The following GRIP1 variants were observed in gnomAD, a reference collection of about 807,000 sequenced individuals.
GRIP1 encodes glutamate receptor interacting protein 1, also known as glutamate receptor-interacting protein 1.
Under a neutral mutation model 129.9 loss-of-function variants are expected in GRIP1, and 45 were observed. The observed-to-expected ratio is 0.35, with a 90% CI of 0.27 to 0.44. The LOEUF is 0.44. Among genes scored for constraint, GRIP1 ranks in the 20% least tolerant of loss-of-function variants. The pLI is 1.00. For missense variants in GRIP1, 1,196 were observed against 1,396.8 expected (o/e 0.86, Z 2.29); for synonymous variants, 530 against 520.8 (o/e 1.02, Z -0.24).
At chr12:66,617,732 A>C (rs2065104111) in intron 1 of GRIP1, among the ~76,000 whole-genome samples, 1 of 150,268 alleles carries the variant, frequency 6.7e-6, no homozygotes, top group Non-Finnish European at 1.5e-5. Flanking sequence ...ATTAACAGAA[A>C]TTCACAGAAA....
chr12:66,774,594 A>C (rs746434484), intron 1 of GRIP1, among the ~76,000 whole-genome samples: 5 of 152,188 alleles, frequency 3.3e-5, no homozygotes, highest in Non-Finnish European at 1.5e-5. Context: ...TTGATGTAGA[A>C]AAAACTTTGG....
intron 1 of GRIP1, among the ~76,000 whole-genome samples, chr12:66,969,022 TTC>T (rs2042036056): frequency 6.6e-6 from 1 of 152,168 alleles, no homozygotes; most frequent in Non-Finnish European, 1.5e-5. Context: ...GGGTTTATTT[TTC>T]TTTCAACTCT....
At chr12:66,371,964 T>C (rs779750561) in intron 22 of GRIP1, 37 bp from the exon 23 acceptor site, 10 of 1,327,510 alleles carry the variant, frequency 7.5e-6, no homozygotes, top group East Asian at 6.9e-5. Flanking sequence ...AATTAAGCCA[T>C]GGACTAAGGA....
chr12:66,445,702 T>C, intron 11 of GRIP1, among the ~76,000 whole-genome samples, 194 bp from the exon 12 acceptor site: 1 of 152,132 alleles, frequency 6.6e-6, no homozygotes, highest in East Asian at 1.9e-4. Context: ...TATAATAACA[T>C]CAGTGTATCC....
At chr12:66,751,503 G>C (rs1592808156) in intron 1 of GRIP1, among the ~76,000 whole-genome samples, 1 of 152,160 alleles carries the variant, frequency 6.6e-6, no homozygotes, top group South Asian at 2.1e-4. Flanking sequence ...GTAAGGTGGA[G>C]TCCAGGGCAT....
At chr12:67,012,807 A>G (rs2042729689) in intron 1 of GRIP1, among the ~76,000 whole-genome samples, 2 of 152,142 alleles carry the variant, frequency 1.3e-5, no homozygotes, top group Admixed American at 1.3e-4. Context: ...ACATGCCCCT[A>G]TATGTTTAGG....
chr12:66,774,842 A>G (rs1489941565), intron 1 of GRIP1, among the ~76,000 whole-genome samples: 1 of 152,206 alleles, frequency 6.6e-6, no homozygotes, highest in Non-Finnish European at 1.5e-5. Context: ...ACAAGTTTTC[A>G]TCAGGAAAAC....
chr12:66,856,777 A>C (rs2040012883), intron 1 of GRIP1, among the ~76,000 whole-genome samples: 2 of 151,922 alleles, frequency 1.3e-5, no homozygotes, highest in South Asian at 4.2e-4. Context: ...TGTTGGTGGG[A>C]CTGTAAACTA....
At chr12:66,523,524 A>G (rs555454099) in intron 5 of GRIP1, among the ~76,000 whole-genome samples, 3 of 152,186 alleles carry the variant, frequency 2.0e-5, no homozygotes, top group Non-Finnish European at 2.9e-5. Flanking sequence ...GAACTCCTGA[A>G]GGAAGCACTA....
At chr12:66,701,485 G>A (rs1390112811) in intron 1 of GRIP1, among the ~76,000 whole-genome samples, 1 of 152,144 alleles carries the variant, frequency 6.6e-6, no homozygotes, top group Admixed American at 6.5e-5. Flanking sequence ...GGCAACTACT[G>A]TTATCAGTTT....
intron 1 of GRIP1, among the ~76,000 whole-genome samples, chr12:66,822,260 C>T (rs183197965): frequency 2.0e-5 from 3 of 152,332 alleles, no homozygotes; most frequent in Admixed American, 6.5e-5. Context: ...GAACCATATA[C>T]TTTCTCAGCA....
At chr12:66,601,274 T>C (rs7968118) in intron 1 of GRIP1, among the ~76,000 whole-genome samples, 85,818 of 152,022 alleles carry the variant, frequency 0.56, 25,435 homozygotes, top group African/African-American at 0.71. Flanking sequence ...AAGCAACCAG[T>C]GGGCACCTAA....
At chr12:66,717,390 A>T (rs1344775938) in intron 1 of GRIP1, among the ~76,000 whole-genome samples, 1 of 151,874 alleles carries the variant, frequency 6.6e-6, no homozygotes, top group African/African-American at 2.4e-5. Context: ...CTGTAAAAAA[A>T]AAAAAAGTCA....
chr12:66,690,328 T>C (rs1033295722), intron 1 of GRIP1, among the ~76,000 whole-genome samples: 3 of 151,980 alleles, frequency 2.0e-5, no homozygotes, highest in Admixed American at 2.0e-4. Flanking sequence ...ATCTATATTG[T>C]AGTAAATGGC....
intron 1 of GRIP1, among the ~76,000 whole-genome samples, chr12:67,040,592 G>A (rs1169857842): frequency 6.6e-6 from 1 of 152,282 alleles, no homozygotes; most frequent in South Asian, 2.1e-4. Flanking sequence ...TAAGAAACAC[G>A]AATCCCAGCC....
Position 66,401,605 on chromosome 12 carries a change from TATATACACACAC to T in GRIP1, c.1984+4666_1984+4677del, listed in dbSNP as rs1361028935. Among the ~76,000 whole-genome samples, 57 of 124,484 alleles carry T rather than the reference TATATACACACAC, an allele frequency of 4.6e-4. 4 individuals carry two copies. The highest frequency in any genetic ancestry group is 1.9e-3 in the African/African-American group (55 of 29,476). 81.7% of individuals were successfully genotyped at this position (124,484 alleles called of 152,430 possible). Reference sequence around the variant, plus strand: ...AAAAAAAAAAATATGTGTGTATATATATATACACACACACACACACACACACACACACACACA... The same window carrying T: ...AAAAAAAAAAATATGTGTGTATATATACACACACACACACACACACACACA... On this transcript the variant is annotated intron_variant, in intron 16 of 24. Coordinates refer to ENST00000359742, the MANE Select transcript of GRIP1 (RefSeq NM_001366722.1).
intron 1 of GRIP1, among the ~76,000 whole-genome samples, chr12:66,728,624 T>C (rs1244689712): frequency 3.9e-5 from 6 of 152,068 alleles, no homozygotes. Context: ...GAAAAGAAAC[T>C]GAGAATTATT....
At chr12:66,707,663 C>A (rs1219889414) in intron 1 of GRIP1, among the ~76,000 whole-genome samples, 2 of 151,952 alleles carry the variant, frequency 1.3e-5, no homozygotes, top group Non-Finnish European at 2.9e-5. Context: ...AACCCCCTCC[C>A]TCCACATCCT....
At chr12:66,736,320 C>T (rs1016065452) in intron 1 of GRIP1, among the ~76,000 whole-genome samples, 7 of 130,314 alleles carry the variant, frequency 5.4e-5, no homozygotes, top group African/African-American at 2.1e-4. Context: ...GTTAGGATTA[C>T]AGGTGTGCAC....
Sources: allele counts gnomAD v4.1 joint callset (sites outside exome capture counted in the v4.1 genomes callset), GRCh38; gene constraint gnomAD v4.1.1; transcripts MANE v1.5; gene names NCBI Gene and HGNC (gene_info 2026-07-23, HGNC 2026-07-21).